The following CADM2 variants were observed in gnomAD, a reference collection of about 807,000 sequenced individuals.
CADM2 encodes immunoglobulin superfamily member 4D.
A neutral mutation model predicts 49.8 loss-of-function variants in CADM2; 12 were observed. The ratio of observed to expected loss-of-function variants is 0.24; its 90% CI spans 0.15 to 0.39. CADM2 has a LOEUF of 0.39. Among genes scored for constraint, CADM2 ranks in the 10% least tolerant of loss-of-function variants. CADM2 has a pLI of 1.00. For synonymous variants in CADM2, 214 were observed against 175.4 expected (o/e 1.22, Z -1.74); for missense variants, 378 against 492.3 (o/e 0.77, Z 2.20).
intron 5 of CADM2, among the ~76,000 whole-genome samples, chr3:85,905,527 A>G (rs984692728): frequency 1.3e-5 from 2 of 152,158 alleles, no homozygotes; most frequent in Non-Finnish European, 1.5e-5. Context: ...TTAAGCATCT[A>G]TGATGTTTCA....
At chr3:84,978,061 A>G (rs927073367) in intron 1 of CADM2, among the ~76,000 whole-genome samples, 1 of 152,134 alleles carries the variant, frequency 6.6e-6, no homozygotes. Context: ...AGAGATGGCA[A>G]ATTTTTAGAA....
At chr3:85,861,723 G>A (rs2075541695) in intron 3 of CADM2, among the ~76,000 whole-genome samples, 1 of 152,028 alleles carries the variant, frequency 6.6e-6, no homozygotes, top group Admixed American at 6.6e-5. Flanking sequence ...TATTTGTCAG[G>A]TGCTAAGATA....
intron 1 of CADM2, among the ~76,000 whole-genome samples, chr3:85,478,343 G>A (rs2039067724): frequency 6.6e-6 from 1 of 151,916 alleles, no homozygotes; most frequent in Non-Finnish European, 1.5e-5. Flanking sequence ...TCTTTTTGCT[G>A]ACCTGATATG....
At chr3:85,289,631 T>G (rs2043726053) in intron 1 of CADM2, among the ~76,000 whole-genome samples, 1 of 152,146 alleles carries the variant, frequency 6.6e-6, no homozygotes, top group Non-Finnish European at 1.5e-5. Flanking sequence ...AGACTTCAGG[T>G]GAAAAACCGC....
At chr3:85,201,984 G>C (rs1285161086) in intron 1 of CADM2, among the ~76,000 whole-genome samples, 12 of 151,292 alleles carry the variant, frequency 7.9e-5, no homozygotes, top group Admixed American at 5.9e-4. Flanking sequence ...GGAGGTTGAG[G>C]CAGGAGAACC....
At chr3:85,307,264 G>A (rs1332971191) in intron 1 of CADM2, among the ~76,000 whole-genome samples, 1 of 151,192 alleles carries the variant, frequency 6.6e-6, no homozygotes, top group Admixed American at 6.6e-5. Flanking sequence ...TGTTATGCTT[G>A]GTCATATTCT....
intron 1 of CADM2, among the ~76,000 whole-genome samples, chr3:84,994,623 T>C (rs552978149): frequency 8.5e-5 from 13 of 152,194 alleles, no homozygotes; most frequent in Non-Finnish European, 1.6e-4. Flanking sequence ...TCCTGTTTTC[T>C]TACCTTAACA....
At chr3:85,096,309 A>G (rs1403901509) in intron 1 of CADM2, among the ~76,000 whole-genome samples, 3 of 152,074 alleles carry the variant, frequency 2.0e-5, no homozygotes, top group Admixed American at 2.0e-4. Context: ...TTTCTGCCAA[A>G]TGTAGAGGTG....
At chr3:85,117,549 A>AT (rs1201352942) in intron 1 of CADM2, among the ~76,000 whole-genome samples, 1 of 152,136 alleles carries the variant, frequency 6.6e-6, no homozygotes, top group East Asian at 1.9e-4. Flanking sequence ...GGGTGTTTTG[A>AT]TTTTTTAAAT....
intron 1 of CADM2, among the ~76,000 whole-genome samples, chr3:85,641,405 G>A (rs989402546): frequency 3.9e-5 from 6 of 152,130 alleles, no homozygotes; most frequent in African/African-American, 1.4e-4. Flanking sequence ...TTCTTAAATA[G>A]CATGATTTTC....
intron 8 of CADM2, among the ~76,000 whole-genome samples, chr3:86,006,573 T>C (rs1215578801): frequency 6.6e-6 from 1 of 152,140 alleles, no homozygotes; most frequent in Non-Finnish European, 1.5e-5. Flanking sequence ...AATTTTCTTT[T>C]TTCTATTAGG....
intron 1 of CADM2, among the ~76,000 whole-genome samples, chr3:85,381,573 A>C (rs939121796): frequency 7.2e-5 from 9 of 125,124 alleles, no homozygotes; most frequent in African/African-American, 2.4e-4. Flanking sequence ...ACAGGTTCTA[A>C]TATGTAGCCA....
In CADM2 at chr3:86,066,804, GT is replaced by G; in HGVS notation, c.*25del. ...TTTAAGATGCAGGCCAAGATTCTGA[GT>G]TTTACTACCAGGCTGAATGCTGGAG... On this transcript the variant is annotated 3_prime_UTR_variant, in exon 10 of 10. Transcript: ENST00000383699. The G allele has an allele frequency of 6.7e-7, 1 of 1,503,640 alleles. No homozygotes were observed. Among genetic ancestry groups the G allele is most frequent in the Non-Finnish European group, 9.3e-7 (1 of 1,079,902 alleles). The allele number at this position is 1,503,640 out of a possible 1,614,324, so 93.1% of individuals were successfully genotyped here.
At chr3:85,195,597 T>C (rs1452121) in intron 1 of CADM2, among the ~76,000 whole-genome samples, 102,449 of 151,600 alleles carry the variant, frequency 0.68, 35,480 homozygotes, top group African/African-American at 0.82. Flanking sequence ...ATTCAAAAAA[T>C]GTCAGTAGAG....
chr3:85,427,044 C>A (rs1356582037), intron 1 of CADM2, among the ~76,000 whole-genome samples: 2 of 151,212 alleles, frequency 1.3e-5, no homozygotes, highest in South Asian at 2.1e-4. Context: ...TAGGATGTTT[C>A]CATGTATATG....
intron 8 of CADM2, among the ~76,000 whole-genome samples, chr3:86,035,765 C>G (rs7610007): frequency 0.066 from 9,973 of 152,148 alleles, 872 homozygotes; most frequent in African/African-American, 0.2. Context: ...ATCTTCCTAA[C>G]TTACCATTCT....
At chr3:85,972,026 C>T (rs1726214457) in intron 8 of CADM2, among the ~76,000 whole-genome samples, 2 of 151,404 alleles carry the variant, frequency 1.3e-5, no homozygotes, top group Non-Finnish European at 3.0e-5. Context: ...TTTTATGAAG[C>T]AGATGGGGTT....
intron 3 of CADM2, among the ~76,000 whole-genome samples, chr3:85,815,854 C>G (rs2073171948): frequency 6.6e-6 from 1 of 152,142 alleles, no homozygotes; most frequent in Non-Finnish European, 1.5e-5. Context: ...ACCTCATCAT[C>G]TCAGCCTGAA....
rs991922857 is a variant in CADM2, at chr3:85,703,582, C to T, written c.62-22940C>T. ...GCAATATCAAAAAGAAAAAAAAGTC[C>T]AAGGTTCCAAATACTATGAAATTCT... On this transcript the variant is annotated intron_variant, in intron 1 of 9. Transcript: ENST00000383699. Among the ~76,000 whole-genome samples the T allele has an allele frequency of 7.9e-5, 12 of 152,136 alleles. 1 individual carries two copies. In the South Asian group the frequency reaches 2.3e-3, roughly 29 times the overall value.
Sources: allele counts gnomAD v4.1 joint callset (sites outside exome capture counted in the v4.1 genomes callset), GRCh38; gene constraint gnomAD v4.1.1; transcripts MANE v1.5; gene names NCBI Gene and HGNC (gene_info 2026-07-23, HGNC 2026-07-21).